Variants in AGPAT4 observed in about 807,000 individuals in gnomAD.
The protein encoded by AGPAT4 is 1-acylglycerol-3-phosphate O-acyltransferase 4.
A neutral mutation model predicts 48.0 loss-of-function variants in AGPAT4; 15 were observed. That is an observed-to-expected ratio of 0.31 (90% CI 0.21 to 0.48). The LOEUF (loss-of-function observed/expected upper bound fraction) is 0.48. AGPAT4 is among the 20% of genes least tolerant of loss of function. The pLI is 0.99. For synonymous variants in AGPAT4, 178 were observed against 198.7 expected (o/e 0.90, Z 0.88); for missense variants, 314 against 482.5 (o/e 0.65, Z 3.27).
rs1017276672 is a variant in AGPAT4, at chr6:161,219,502, C to A, written c.178+12534G>T. 1.3e-5 allele frequency among the ~76,000 whole-genome samples: 2 copies of A among 152,020 alleles called. No individual in the cohort carries two copies. Among genetic ancestry groups the A allele is most frequent in the Non-Finnish European group, 2.9e-5 (2 of 68,014 alleles). Reference sequence around the variant, plus strand: ...CTGCACCATGAAGACCACACACGATCGCCTTATAACCTTACAAGACACCAA... The same window carrying A: ...CTGCACCATGAAGACCACACACGATAGCCTTATAACCTTACAAGACACCAA... On this transcript the variant is annotated intron_variant, in intron 2 of 8. Transcript: ENST00000320285. This position sits in a 1 kb window ranked among gnomAD's most constrained non-coding sequence, Gnocchi z 4.9.
rs886083421 is a variant in AGPAT4, at chr6:161,178,824, C to T, written c.179-12407G>A. Among the ~76,000 whole-genome samples, 7 of 152,228 alleles carry T rather than the reference C, an allele frequency of 4.6e-5. No individual in the cohort carries two copies. Among genetic ancestry groups the T allele is most frequent in the Non-Finnish European group, 8.8e-5 (6 of 68,042 alleles). On this transcript the variant is annotated intron_variant, in intron 2 of 8. Transcript: ENST00000320285. This position sits in a 1 kb window ranked among gnomAD's most constrained non-coding sequence, Gnocchi z 5.1. ...CCCAATTTTGCAGATGTTGTTTTGA[C>T]TGTGCTGCTCTCTGAGGGCTCAGTG...
intron 2 of AGPAT4, among the ~76,000 whole-genome samples, chr6:161,190,749 G>C (rs1057162099): frequency 4.6e-5 from 7 of 152,036 alleles, no homozygotes; most frequent in African/African-American, 1.4e-4. Context: ...GAAGGAAAAA[G>C]GAACAATTTA....
In AGPAT4 at chr6:161,189,691, T is replaced by A. The variant is rs1332387903; in HGVS notation, c.179-23274A>T. 1.3e-5 allele frequency among the ~76,000 whole-genome samples: 2 copies of A among 152,008 alleles called. No individual in the cohort carries two copies. The highest frequency in any genetic ancestry group is 4.8e-5 in the African/African-American group (2 of 41,372). On this transcript the variant is annotated intron_variant, in intron 2 of 8. Coordinates refer to ENST00000320285, the MANE Select transcript of AGPAT4 (RefSeq NM_020133.3). The surrounding 1 kb of genome is among the most constrained non-coding windows in gnomAD (Gnocchi z 5.3). ...GCTCCTCCATCAGTCTCTGGCCCCCTCTTCCACCTCACTGTCTCCACCTGC... is the reference window on the plus strand; with the variant it reads ...GCTCCTCCATCAGTCTCTGGCCCCCACTTCCACCTCACTGTCTCCACCTGC...
At position 161,225,417 on chromosome 6, in the gene AGPAT4, C is replaced by G. The variant is rs753727420; in HGVS notation, c.178+6619G>C. Among the ~76,000 whole-genome samples, 8 of 152,212 alleles carry G rather than the reference C, an allele frequency of 5.3e-5. No homozygotes were observed. Among genetic ancestry groups the G allele is most frequent in the Non-Finnish European group, 1.0e-4 (7 of 68,048 alleles). Reference sequence around the variant, plus strand: ...CACCATTGCTCCATCTGTAAGGGTGCACCCTTCTATAGAAGTAACTTGCCT... The same window carrying G: ...CACCATTGCTCCATCTGTAAGGGTGGACCCTTCTATAGAAGTAACTTGCCT... On this transcript the variant is annotated intron_variant, in intron 2 of 8. Transcript: ENST00000320285. This position sits in a 1 kb window ranked among gnomAD's most constrained non-coding sequence, Gnocchi z 5.0.
Position 161,225,916 on chromosome 6 carries a change from G to A in AGPAT4, c.178+6120C>T, listed in dbSNP as rs1781967690. On this transcript the variant is annotated intron_variant, in intron 2 of 8. Coordinates refer to ENST00000320285, the MANE Select transcript of AGPAT4 (RefSeq NM_020133.3). This position sits in a 1 kb window ranked among gnomAD's most constrained non-coding sequence, Gnocchi z 5.0. ...GAGGCTTTAAATTCCCTTCATCATGGGTCACGGGTCTTTTAAATTCCTTTC... is the reference window on the plus strand; with the variant it reads ...GAGGCTTTAAATTCCCTTCATCATGAGTCACGGGTCTTTTAAATTCCTTTC... 6.6e-6 allele frequency among the ~76,000 whole-genome samples: 1 copy of A among 152,128 alleles called. No homozygotes were observed. Among genetic ancestry groups the A allele is most frequent in the Non-Finnish European group, 1.5e-5 (1 of 68,028 alleles).
Position 161,198,789 on chromosome 6 carries a change from C to CA in AGPAT4, c.179-32373dup, listed in dbSNP as rs1051176191. ...CACTGACGGAGTGCGTGAATGTTAACAGGGAAACTGACCTGGAACGTATAT... is the reference window on the plus strand; with the variant it reads ...CACTGACGGAGTGCGTGAATGTTAACAAGGGAAACTGACCTGGAACGTATAT... On this transcript the variant is annotated intron_variant, in intron 2 of 8. Transcript: ENST00000320285. The surrounding 1 kb of genome is among the most constrained non-coding windows in gnomAD (Gnocchi z 4.3). 6.6e-6 allele frequency among the ~76,000 whole-genome samples: 1 copy of CA among 152,020 alleles called. No individual in the cohort carries two copies. Among genetic ancestry groups the CA allele is most frequent in the Non-Finnish European group, 1.5e-5 (1 of 68,016 alleles).
rs183198953 is a variant in AGPAT4 at position 161,188,582 on chromosome 6, C to G, written c.179-22165G>C. Among the ~76,000 whole-genome samples the G allele has an allele frequency of 2.4e-3, 363 of 152,218 alleles. 1 individual carries two copies. The highest frequency in any genetic ancestry group is 8.4e-3 in the African/African-American group (348 of 41,522). Reference sequence around the variant, plus strand: ...TAAGTATGTCCCACGCAATACTAAACGACATTATGAGGCATGCAATATCTG... The same window carrying G: ...TAAGTATGTCCCACGCAATACTAAAGGACATTATGAGGCATGCAATATCTG... On this transcript the variant is annotated intron_variant, in intron 2 of 8. Transcript: ENST00000320285.
At position 161,251,825 on chromosome 6, in the gene AGPAT4, A is replaced by G. The variant is rs1223938923; in HGVS notation, c.-89-19523T>C. On this transcript the variant is annotated intron_variant, in intron 1 of 8. Coordinates refer to ENST00000320285, the MANE Select transcript of AGPAT4 (RefSeq NM_020133.3). The surrounding 1 kb of genome is among the most constrained non-coding windows in gnomAD (Gnocchi z 4.6). ...GGGCAGTTTCTGCAGGAGGAACAAA[A>G]GCAGAGAGGGGGAGCAGCCATTTAG... Among the ~76,000 whole-genome samples, 1 of 152,232 alleles carries G rather than the reference A, an allele frequency of 6.6e-6. No individual in the cohort carries two copies. Among genetic ancestry groups the G allele is most frequent in the Non-Finnish European group, 1.5e-5 (1 of 68,046 alleles).
At chr6:161,151,211 A>C (rs2114963451) in intron 5 of AGPAT4, among the ~76,000 whole-genome samples, 1 of 152,324 alleles carries the variant, frequency 6.6e-6, no homozygotes, top group Middle Eastern at 3.4e-3. Flanking sequence ...CCAGCTCCTT[A>C]ACTTCTCTGA....
chr6:161,188,954 C>T (rs1780849757), intron 2 of AGPAT4, among the ~76,000 whole-genome samples: 1 of 152,230 alleles, frequency 6.6e-6, no homozygotes, highest in South Asian at 2.1e-4. Context: ...CCTGTACCAG[C>T]TGCTGCTGAC....
Position 161,139,631 on chromosome 6 carries a change from G to C in AGPAT4, c.844-11C>G. On this transcript the variant is annotated splice_polypyrimidine_tract_variant and intron_variant, in intron 7 of 8. Coordinates refer to ENST00000320285, the MANE Select transcript of AGPAT4 (RefSeq NM_020133.3). This position sits in a 1 kb window ranked among gnomAD's most constrained non-coding sequence, Gnocchi z 9.1. Reference sequence around the variant, plus strand: ...CTCCTGAAAGGCATCCTGGGGGACAGGAAAGAGGACCCTCAGACGCCACAC... The same window carrying C: ...CTCCTGAAAGGCATCCTGGGGGACACGAAAGAGGACCCTCAGACGCCACAC... 6.3e-7 allele frequency: 1 copy of C among 1,590,642 alleles called. No individual in the cohort carries two copies.
rs1251258462 is a variant in AGPAT4, at chr6:161,135,541, CCCT to C, written c.*996_*998del. 2 of 152,182 alleles carry C rather than the reference CCCT, an allele frequency of 1.3e-5. No homozygotes were observed. Among genetic ancestry groups the C allele is most frequent in the Non-Finnish European group, 2.9e-5 (2 of 68,068 alleles). 9.4% of individuals were successfully genotyped at this position (152,182 alleles called of 1,614,324 possible). A position where few individuals can be genotyped will look rare whatever the true frequency, so the allele number is the denominator to read the frequency against. On this transcript the variant is annotated 3_prime_UTR_variant, in exon 9 of 9. Transcript: ENST00000320285. The stretch of plus-strand genomic sequence containing the variant: ...ACATGGGATGTCGGCTCTGATTTGA[CCCT>C]CATCAGAGCAGGACCTGGCTCCTTT...
In AGPAT4 at chr6:161,254,783, G is replaced by A. The variant is rs368702323; in HGVS notation, c.-90+19155C>T. ...TAATTCTCAAAGATCTGTAAATACCGACTCAATTTAGAGAACAAACATGGA... is the reference window on the plus strand; with the variant it reads ...TAATTCTCAAAGATCTGTAAATACCAACTCAATTTAGAGAACAAACATGGA... On this transcript the variant is annotated intron_variant, in intron 1 of 8. Transcript: ENST00000320285. This position sits in a 1 kb window ranked among gnomAD's most constrained non-coding sequence, Gnocchi z 5.9. Among the ~76,000 whole-genome samples, 3 of 152,144 alleles carry A rather than the reference G, an allele frequency of 2.0e-5. No individual in the cohort carries two copies. The highest frequency in any genetic ancestry group is 1.9e-4 in the East Asian group (1 of 5,200).
intron 1 of AGPAT4, among the ~76,000 whole-genome samples, chr6:161,256,913 T>C (rs577763507): frequency 6.6e-6 from 1 of 151,984 alleles, no homozygotes; most frequent in Admixed American, 6.6e-5. Context: ...TCTGGGAGAG[T>C]TTCCACTTTC....
At position 161,202,336 on chromosome 6, in the gene AGPAT4, C is replaced by T. The variant is rs1213165478; in HGVS notation, c.178+29700G>A. ...ATCTCAATTCCTCTTCTCATGGGCC[C>T]GTCTGAGTGATGCCTGAATGTCTTC... On this transcript the variant is annotated intron_variant, in intron 2 of 8. Coordinates refer to ENST00000320285, the MANE Select transcript of AGPAT4 (RefSeq NM_020133.3). The surrounding 1 kb of genome is among the most constrained non-coding windows in gnomAD (Gnocchi z 5.4). Among the ~76,000 whole-genome samples, 1 of 151,732 alleles carries T rather than the reference C, an allele frequency of 6.6e-6. No homozygotes were observed. Among genetic ancestry groups the T allele is most frequent in the South Asian group, 2.1e-4 (1 of 4,804 alleles).
chr6:161,244,513 G>T lies in AGPAT4; in HGVS notation c.-89-12211C>A, dbSNP rs940540357. ...CATGTTTAATAACCATTGGGGAAAG[G>T]GTTACAAGCGTAATCTTTTCAGTAT... On this transcript the variant is annotated intron_variant, in intron 1 of 8. Coordinates refer to ENST00000320285, the MANE Select transcript of AGPAT4 (RefSeq NM_020133.3). This position sits in a 1 kb window ranked among gnomAD's most constrained non-coding sequence, Gnocchi z 4.7. Among the ~76,000 whole-genome samples, 3 of 152,088 alleles carry T rather than the reference G, an allele frequency of 2.0e-5. No individual in the cohort carries two copies. Among genetic ancestry groups the T allele is most frequent in the African/African-American group, 7.3e-5 (3 of 41,366 alleles).
Position 161,184,525 on chromosome 6 carries a change from G to A in AGPAT4, c.179-18108C>T, listed in dbSNP as rs574973015. Reference sequence around the variant, plus strand: ...ATCCTTGGCTTAGTGGTAGGTTCTCGTGATGTTCTGTGTAGCCCTGGCCTC... The same window carrying A: ...ATCCTTGGCTTAGTGGTAGGTTCTCATGATGTTCTGTGTAGCCCTGGCCTC... On this transcript the variant is annotated intron_variant, in intron 2 of 8. Coordinates refer to ENST00000320285, the MANE Select transcript of AGPAT4 (RefSeq NM_020133.3). This position sits in a 1 kb window ranked among gnomAD's most constrained non-coding sequence, Gnocchi z 4.8. Among the ~76,000 whole-genome samples the A allele has an allele frequency of 1.3e-4, 20 of 152,124 alleles. No homozygotes were observed. Among genetic ancestry groups the A allele is most frequent in the East Asian group, 3.9e-4 (2 of 5,164 alleles).
rs1332468035 is a variant in AGPAT4, at chr6:161,264,603, C to T, written c.-90+9335G>A. 6.6e-6 allele frequency among the ~76,000 whole-genome samples: 1 copy of T among 152,224 alleles called. No homozygotes were observed. Among genetic ancestry groups the T allele is most frequent in the Non-Finnish European group, 1.5e-5 (1 of 68,030 alleles). ...TCTTATCCACTGCGTGGGAACCCCTCGCTGAGGCTTCCGTCTTGCCCTCTG... is the reference window on the plus strand; with the variant it reads ...TCTTATCCACTGCGTGGGAACCCCTTGCTGAGGCTTCCGTCTTGCCCTCTG... On this transcript the variant is annotated intron_variant, in intron 1 of 8. Coordinates refer to ENST00000320285, the MANE Select transcript of AGPAT4 (RefSeq NM_020133.3). The surrounding 1 kb of genome is among the most constrained non-coding windows in gnomAD (Gnocchi z 6.8).
At position 161,244,660 on chromosome 6, in the gene AGPAT4, A is replaced by T. The variant is rs964503800; in HGVS notation, c.-89-12358T>A. On this transcript the variant is annotated intron_variant, in intron 1 of 8. Coordinates refer to ENST00000320285, the MANE Select transcript of AGPAT4 (RefSeq NM_020133.3). The surrounding 1 kb of genome is among the most constrained non-coding windows in gnomAD (Gnocchi z 4.7). ...AATAATACTGAACCACCAAACAGAG[A>T]TAGCGAACTGCATTCTCTGACATCT... Among the ~76,000 whole-genome samples the T allele has an allele frequency of 1.2e-4, 18 of 152,182 alleles. No individual in the cohort carries two copies. Among genetic ancestry groups the T allele is most frequent in the Non-Finnish European group, 7.3e-5 (5 of 68,032 alleles).
Sources: gnomAD v4.1 joint callset for allele counts (sites outside exome capture counted in the v4.1 genomes callset) on GRCh38, gnomAD v4.1.1 for gene constraint, Gnocchi (gnomAD v3.1) non-coding constraint, MANE v1.5 for transcripts, NCBI Gene and HGNC (gene_info 2026-07-23, HGNC 2026-07-21) for gene names.